The following TNIK variants were observed in gnomAD, a reference collection of about 807,000 sequenced individuals.
TNIK encodes TRAF2 and NCK-interacting protein kinase.
In TNIK, 49 loss-of-function variants were observed where a neutral mutation model predicts 191.3. The observed-to-expected ratio is 0.26, with a 90% CI of 0.20 to 0.32. TNIK has a LOEUF of 0.32. Among genes scored for constraint, TNIK ranks in the 10% least tolerant of loss-of-function variants. The pLI, the probability that TNIK is intolerant of heterozygous loss-of-function variation, is 1.00. For synonymous variants in TNIK, 594 were observed against 600.9 expected, an observed-to-expected ratio of 0.99 and a Z score of 0.17; for missense variants, 1,155 against 1,702.3, an observed-to-expected ratio of 0.68 and a Z score of 5.66.
At chr3:171,098,368 C>T (rs1200133790) in intron 22 of TNIK, among the ~76,000 whole-genome samples, 1 of 152,124 alleles carries the variant, frequency 6.6e-6, no homozygotes, top group Non-Finnish European at 1.5e-5. Context: ...ATAAAAATCT[C>T]CCATAATTAT....
At chr3:171,373,793 T>G (rs1294612932) in intron 1 of TNIK, among the ~76,000 whole-genome samples, 1 of 152,194 alleles carries the variant, frequency 6.6e-6, no homozygotes, top group Admixed American at 6.5e-5. Context: ...TTATTCCTTC[T>G]GCTTTCTTTA....
rs1717705383 is a variant in TNIK, at chr3:171,060,286, A to G, written c.*3595T>C. 6.6e-6 allele frequency among the ~76,000 whole-genome samples: 1 copy of G among 152,166 alleles called. No homozygotes were observed. Among genetic ancestry groups the G allele is most frequent in the South Asian group, 2.1e-4 (1 of 4,832 alleles). ...AAAATGGTTCTGGCTGGAATTTCACATCTTTCTAATAATCTACTGGACAGG... is the reference window on the plus strand; with the variant it reads ...AAAATGGTTCTGGCTGGAATTTCACGTCTTTCTAATAATCTACTGGACAGG... On this transcript the variant is annotated 3_prime_UTR_variant, in exon 33 of 33. Coordinates refer to ENST00000436636, the MANE Select transcript of TNIK (RefSeq NM_015028.4).
intron 7 of TNIK, among the ~76,000 whole-genome samples, chr3:171,179,608 T>A (rs1454480115): frequency 1.3e-5 from 2 of 152,122 alleles, no homozygotes; most frequent in Non-Finnish European, 2.9e-5. Flanking sequence ...CCTGCCACCA[T>A]GCCCGGCTAA....
intron 2 of TNIK, among the ~76,000 whole-genome samples, chr3:171,270,052 A>T (rs1748891234): frequency 6.6e-6 from 1 of 152,170 alleles, no homozygotes; most frequent in African/African-American, 2.4e-5. Flanking sequence ...ATATTCACAC[A>T]TGCATATACA....
chr3:171,239,981 A>G (rs1046173798), intron 2 of TNIK, among the ~76,000 whole-genome samples: 4 of 152,186 alleles, frequency 2.6e-5, no homozygotes, highest in Non-Finnish European at 5.9e-5. Context: ...TTTTAAGTAA[A>G]TATGATCTGC....
chr3:171,064,584 G>A (rs1314597762), intron 32 of TNIK, among the ~76,000 whole-genome samples: 1 of 152,140 alleles, frequency 6.6e-6, no homozygotes, highest in African/African-American at 2.4e-5. Flanking sequence ...CATATCCCAG[G>A]GCAAATGAGA....
intron 2 of TNIK, among the ~76,000 whole-genome samples, chr3:171,309,265 C>G (rs1279848950): frequency 6.6e-6 from 1 of 152,094 alleles, no homozygotes; most frequent in Non-Finnish European, 1.5e-5. Flanking sequence ...ATGGATGGAG[C>G]TGGAGGTCAT....
chr3:171,079,942 G>T (rs755603635), intron 27 of TNIK, among the ~76,000 whole-genome samples: 4 of 152,198 alleles, frequency 2.6e-5, no homozygotes, highest in South Asian at 2.1e-4. Flanking sequence ...ATGCAAAGCA[G>T]TGTCTGCTGA....
chr3:171,172,045 G>A (rs1475387484), intron 9 of TNIK, among the ~76,000 whole-genome samples: 1 of 151,788 alleles, frequency 6.6e-6, no homozygotes, highest in Non-Finnish European at 1.5e-5. Flanking sequence ...CTGGGCTCCT[G>A]TGAGTGGTGG....
intron 2 of TNIK, among the ~76,000 whole-genome samples, chr3:171,282,584 T>A (rs1000184147): frequency 7.9e-5 from 12 of 152,100 alleles, no homozygotes; most frequent in Admixed American, 1.3e-4. Context: ...CCTTAGGTGA[T>A]CCACCTGCCT....
At chr3:171,091,956 T>TTC (rs1447849002) in intron 23 of TNIK, among the ~76,000 whole-genome samples, 18 of 142,626 alleles carry the variant, frequency 1.3e-4, no homozygotes, top group Non-Finnish European at 2.2e-4. Flanking sequence ...CTTTCTTTCT[T>TTC]TTTTTTTTTT....
intron 2 of TNIK, among the ~76,000 whole-genome samples, chr3:171,317,564 A>T (rs1394520176): frequency 2.6e-5 from 4 of 152,192 alleles, no homozygotes; most frequent in African/African-American, 9.6e-5. Context: ...CAAGAGAAAC[A>T]ACTACCTCTT....
chr3:171,332,012 TGTAA>T (rs922238907), intron 2 of TNIK, among the ~76,000 whole-genome samples: 1 of 92,160 alleles, frequency 1.1e-5, no homozygotes, highest in Non-Finnish European at 2.3e-5. Context: ...TTTAATTTAA[TGTAA>T]ATTAATCTAA....
chr3:171,218,925 A>G (rs1399286381), intron 3 of TNIK, among the ~76,000 whole-genome samples: 1 of 130,404 alleles, frequency 7.7e-6, no homozygotes, highest in African/African-American at 3.0e-5. Context: ...ATATATTTTT[A>G]TATGTTTTAT....
At position 171,066,343 on chromosome 3, in the gene TNIK, C is replaced by T; in HGVS notation, c.3860-17G>A. On this transcript the variant is annotated splice_polypyrimidine_tract_variant and intron_variant, in intron 31 of 32. Coordinates refer to ENST00000436636, the MANE Select transcript of TNIK (RefSeq NM_015028.4). ...GAATGTAGGCTGTCAAAAGGAATTT[C>T]CAAAACTGCATTAAAAACATTAGAT... 4.3e-6 allele frequency: 7 copies of T among 1,613,468 alleles called. No homozygotes were observed. The highest frequency in any genetic ancestry group is 5.9e-6 in the Non-Finnish European group (7 of 1,179,696).
intron 1 of TNIK, among the ~76,000 whole-genome samples, chr3:171,413,838 G>A (rs1722715823): frequency 6.6e-6 from 1 of 152,118 alleles, no homozygotes; most frequent in Admixed American, 6.5e-5. Flanking sequence ...TGACCTGGAG[G>A]AAGCTACTTA....
chr3:171,223,382 C>A (rs572524586), intron 3 of TNIK, among the ~76,000 whole-genome samples: 1 of 152,238 alleles, frequency 6.6e-6, no homozygotes, highest in East Asian at 1.9e-4. Context: ...TGTGAGCAGG[C>A]AAAAGACCAT....
At position 171,127,603 on chromosome 3, in the gene TNIK, G is replaced by A. The variant is rs574055941; in HGVS notation, c.1773+1111C>T. On this transcript the variant is annotated intron_variant, in intron 16 of 32. Coordinates refer to ENST00000436636, the MANE Select transcript of TNIK (RefSeq NM_015028.4). ...GGCCAAAGTACCTTCCAAGGTCAAC[G>A]TTAGGGGTTTTAAAAGAGGATATTT... Among the ~76,000 whole-genome samples, 148 of 152,166 alleles carry A rather than the reference G, an allele frequency of 9.7e-4. 1 individual carries two copies. The highest frequency in any genetic ancestry group is 6.1e-3 in the Admixed American group (94 of 15,292).
intron 23 of TNIK, among the ~76,000 whole-genome samples, chr3:171,092,246 C>A (rs939494833): frequency 3.9e-5 from 6 of 152,156 alleles, no homozygotes; most frequent in African/African-American, 1.4e-4. Context: ...CCGCGCCCGG[C>A]TGCAAATGCT....
Sources: gnomAD v4.1 joint callset for allele counts (sites outside exome capture counted in the v4.1 genomes callset) on GRCh38, gnomAD v4.1.1 for gene constraint, MANE v1.5 for transcripts, NCBI Gene and HGNC (gene_info 2026-07-23, HGNC 2026-07-21) for gene names.